Variants in PRKD1 observed in about 807,000 individuals in gnomAD.
PRKD1 encodes protein kinase D1.
In PRKD1, 63 loss-of-function variants were observed where a neutral mutation model predicts 95.9. That is an observed-to-expected ratio of 0.66 (90% CI 0.54 to 0.81). The LOEUF (loss-of-function observed/expected upper bound fraction) is 0.81, where lower values mean the gene tolerates loss of function less well. PRKD1 is among the 30% of genes least tolerant of loss of function. The pLI is 0.00. For synonymous variants in PRKD1, 425 were observed against 423.1 expected, an observed-to-expected ratio of 1.00 and a Z score of -0.05; for missense variants, 1,048 against 1,165.3, an observed-to-expected ratio of 0.90 and a Z score of 1.47.
intron 1 of PRKD1, among the ~76,000 whole-genome samples, chr14:29,825,047 T>A (rs1357831591): frequency 1.3e-5 from 2 of 152,106 alleles, no homozygotes; most frequent in Non-Finnish European, 2.9e-5. Flanking sequence ...CGCTTCAAAT[T>A]TTTATTGGGT....
At chr14:29,579,493 C>T (rs1892682779) in intron 16 of PRKD1, among the ~76,000 whole-genome samples, 1 of 152,136 alleles carries the variant, frequency 6.6e-6, no homozygotes, top group Non-Finnish European at 1.5e-5. Flanking sequence ...ATTAACTCCT[C>T]ATCTTTCCCT....
chr14:29,599,551 G>A (rs1381510737), intron 14 of PRKD1, 105 bp downstream of exon 14: 2 of 1,076,728 alleles, frequency 1.9e-6, no homozygotes, highest in Non-Finnish European at 2.7e-6. Flanking sequence ...GTGTAGTTTA[G>A]ACTGGAGGTA....
At chr14:29,857,371 A>AAAC (rs1462058773) in intron 1 of PRKD1, among the ~76,000 whole-genome samples, 12 of 152,160 alleles carry the variant, frequency 7.9e-5, no homozygotes, top group Admixed American at 1.3e-4. Flanking sequence ...AACAAAAAAG[A>AAAC]AACACCAGTT....
At chr14:29,847,217 C>A (rs1892111855) in intron 1 of PRKD1, among the ~76,000 whole-genome samples, 1 of 152,150 alleles carries the variant, frequency 6.6e-6, no homozygotes, top group African/African-American at 2.4e-5. Context: ...GTGCCAAGGA[C>A]ACTGCATATA....
chr14:29,727,486 T>C (rs1461695365), intron 1 of PRKD1, among the ~76,000 whole-genome samples: 1 of 151,648 alleles, frequency 6.6e-6, no homozygotes, highest in Non-Finnish European at 1.5e-5. Context: ...ATGTCCTGAA[T>C]GGTAATGCCT....
At chr14:29,723,677 G>GTA (rs1351981920) in intron 2 of PRKD1, among the ~76,000 whole-genome samples, 1 of 151,420 alleles carries the variant, frequency 6.6e-6, no homozygotes, top group Non-Finnish European at 1.5e-5. Context: ...GTGCGTGTGT[G>GTA]TGTGTGTGTG....
intron 1 of PRKD1, among the ~76,000 whole-genome samples, chr14:29,835,706 G>C (rs1311610806): frequency 1.3e-5 from 2 of 152,042 alleles, no homozygotes; most frequent in Non-Finnish European, 2.9e-5. Context: ...GAGTAGCTGG[G>C]ATTACAGGCA....
intron 1 of PRKD1, among the ~76,000 whole-genome samples, chr14:29,922,703 G>A (rs1895163044): frequency 6.6e-6 from 1 of 152,012 alleles, no homozygotes. Context: ...GGGCAACACA[G>A]TGAGACATTG....
rs548890459 is a variant in PRKD1 at position 29,703,100 on chromosome 14, G to T, written c.403+22436C>A. Among the ~76,000 whole-genome samples the T allele has an allele frequency of 3.9e-5, 6 of 151,944 alleles. No homozygotes were observed. In the East Asian group the frequency reaches 9.7e-4, roughly 24 times the overall value. On this transcript the variant is annotated intron_variant, in intron 2 of 17. Transcript: ENST00000331968. Reference sequence around the variant, plus strand: ...TGATTTTTTTTCCCCATAGGTTTTTGACCATTCTTTGTCTATGCCTTCCTC... The same window carrying T: ...TGATTTTTTTTCCCCATAGGTTTTTTACCATTCTTTGTCTATGCCTTCCTC...
intron 2 of PRKD1, among the ~76,000 whole-genome samples, chr14:29,712,278 G>GACTAACTAACTAACTA (rs45562834): frequency 6.6e-6 from 1 of 151,984 alleles, no homozygotes; most frequent in Non-Finnish European, 1.5e-5. Flanking sequence ...CTAAATAGGG[G>GACTAACTAACTAACTA]ACTAACTAAC....
chr14:29,763,603 G>T (rs188319651), intron 1 of PRKD1, among the ~76,000 whole-genome samples: 14 of 152,202 alleles, frequency 9.2e-5, no homozygotes, highest in Admixed American at 3.9e-4. Flanking sequence ...AGAAAGAAAG[G>T]CAGAAGTAGC....
rs372607089 is a variant in PRKD1 at position 29,896,222 on chromosome 14, A to C, written c.264+31027T>G. Reference sequence around the variant, plus strand: ...TTAGATGAGAAAAGAGAACTAATGAAAATTTAGGAGGTTTTCCTATGTAAT... The same window carrying C: ...TTAGATGAGAAAAGAGAACTAATGACAATTTAGGAGGTTTTCCTATGTAAT... On this transcript the variant is annotated intron_variant, in intron 1 of 17. Transcript: ENST00000331968. Among the ~76,000 whole-genome samples, 379 of 152,342 alleles carry C rather than the reference A, an allele frequency of 2.5e-3. 2 individuals are homozygous for C. Among genetic ancestry groups the C allele is most frequent in the Non-Finnish European group, 4.8e-3 (328 of 68,026 alleles).
intron 10 of PRKD1, among the ~76,000 whole-genome samples, chr14:29,630,090 TC>T (rs1236308166): frequency 6.6e-6 from 1 of 150,474 alleles, no homozygotes; most frequent in African/African-American, 2.5e-5. Flanking sequence ...CATGTCCTTC[TC>T]CTTTCTTCTT....
intron 2 of PRKD1, among the ~76,000 whole-genome samples, chr14:29,675,369 C>A (rs188393332): frequency 6.2e-4 from 94 of 152,310 alleles, no homozygotes; most frequent in African/African-American, 1.9e-3. Context: ...CAGAACAATT[C>A]CCAAATTTTC....
At chr14:29,824,164 T>C (rs1891025024) in intron 1 of PRKD1, among the ~76,000 whole-genome samples, 1 of 152,142 alleles carries the variant, frequency 6.6e-6, no homozygotes, top group South Asian at 2.1e-4. Flanking sequence ...AAGGAAATAA[T>C]AGGACCCAAA....
intron 1 of PRKD1, among the ~76,000 whole-genome samples, chr14:29,829,505 T>G (rs1891321752): frequency 6.6e-6 from 1 of 152,212 alleles, no homozygotes; most frequent in East Asian, 1.9e-4. Context: ...GATGATGTGC[T>G]TTTTAAACCA....
intron 1 of PRKD1, among the ~76,000 whole-genome samples, chr14:29,787,460 G>A (rs970754427): frequency 1.3e-5 from 2 of 151,982 alleles, no homozygotes; most frequent in Admixed American, 1.3e-4. Flanking sequence ...CTGTATTGGA[G>A]TCTATCTGTT....
At chr14:29,704,141 A>G (rs534466018) in intron 2 of PRKD1, among the ~76,000 whole-genome samples, 1 of 152,284 alleles carries the variant, frequency 6.6e-6, no homozygotes, top group East Asian at 1.9e-4. Context: ...GAGAAAGGGT[A>G]TCTAGTGAAG....
chr14:29,647,132 A>C (rs1881176884), intron 4 of PRKD1, among the ~76,000 whole-genome samples: 1 of 152,210 alleles, frequency 6.6e-6, no homozygotes, highest in African/African-American at 2.4e-5. Context: ...ACTGTGTTAT[A>C]CCATGGAGAA....
Sources: gnomAD v4.1 joint callset for allele counts (sites outside exome capture counted in the v4.1 genomes callset) on GRCh38, gnomAD v4.1.1 for gene constraint, MANE v1.5 for transcripts, NCBI Gene and HGNC (gene_info 2026-07-23, HGNC 2026-07-21) for gene names.